The following FNDC3B variants were observed in gnomAD, a reference collection of about 807,000 sequenced individuals.
FNDC3B encodes fibronectin type III domain-containing protein 3B.
Under a neutral mutation model 151.5 loss-of-function variants are expected in FNDC3B, and 12 were observed. The ratio of observed to expected loss-of-function variants is 0.08; its 90% CI spans 0.05 to 0.13. The LOEUF is 0.13. FNDC3B is among the 10% of genes least tolerant of loss of function. The pLI, the probability that FNDC3B is intolerant of heterozygous loss-of-function variation, is 1.00. For missense variants in FNDC3B, 1,214 were observed against 1,505.3 expected (o/e 0.81, Z 3.20); for synonymous variants, 528 against 549.0 (o/e 0.96, Z 0.54).
intron 11 of FNDC3B, among the ~76,000 whole-genome samples, chr3:172,326,106 G>A (rs374343176): frequency 2.0e-5 from 3 of 152,194 alleles, no homozygotes; most frequent in Admixed American, 6.5e-5. Flanking sequence ...GATTACAGGC[G>A]TGAGCCATCA....
chr3:172,346,459 G>T lies in FNDC3B; in HGVS notation c.2364+19G>T, dbSNP rs747569255. Reference sequence around the variant, plus strand: ...TTGGGAGGTAAGTCAGGCATATTCTGCATCAACTTCTGTTTCTTCTACTTT... The same window carrying T: ...TTGGGAGGTAAGTCAGGCATATTCTTCATCAACTTCTGTTTCTTCTACTTT... On this transcript the variant is annotated intron_variant, in intron 20 of 25. Transcript: ENST00000415807. 3.5e-6 allele frequency: 5 copies of T among 1,448,678 alleles called. No homozygotes were observed. The Admixed American group carries it at 7.1e-5, about 21-fold the overall frequency. The allele number at this position is 1,448,678 out of a possible 1,614,324, so 89.7% of individuals were successfully genotyped here.
At chr3:172,383,907 G>A (rs952237349) in intron 25 of FNDC3B, among the ~76,000 whole-genome samples, 1 of 152,080 alleles carries the variant, frequency 6.6e-6, no homozygotes, top group African/African-American at 2.4e-5. Context: ...TAGGAAAGCT[G>A]AGGTGCATTC....
chr3:172,367,123 C>T (rs1199183763), intron 23 of FNDC3B, among the ~76,000 whole-genome samples: 1 of 152,154 alleles, frequency 6.6e-6, no homozygotes, highest in Non-Finnish European at 1.5e-5. Context: ...ATTTGTTTCC[C>T]ATTTATTCTG....
chr3:172,087,370 T>C (rs1718597725), intron 1 of FNDC3B, among the ~76,000 whole-genome samples: 1 of 152,192 alleles, frequency 6.6e-6, no homozygotes, highest in Non-Finnish European at 1.5e-5. Context: ...ACTTCTCACA[T>C]AGAGGCTGAT....
At chr3:172,164,625 G>A (rs1468659094) in intron 3 of FNDC3B, among the ~76,000 whole-genome samples, 1 of 152,156 alleles carries the variant, frequency 6.6e-6, no homozygotes, top group East Asian at 1.9e-4. Flanking sequence ...GAAGAAATGG[G>A]GTGAAAGCAG....
chr3:172,142,143 T>C (rs1299582394), intron 3 of FNDC3B, among the ~76,000 whole-genome samples: 1 of 152,228 alleles, frequency 6.6e-6, no homozygotes, highest in African/African-American at 2.4e-5. Context: ...GAACAATTTC[T>C]GAGTCATAGT....
intron 3 of FNDC3B, among the ~76,000 whole-genome samples, chr3:172,166,847 G>T (rs1041379899): frequency 5.4e-5 from 8 of 147,522 alleles, no homozygotes; most frequent in African/African-American, 1.7e-4. Context: ...GGGGGAGGGG[G>T]GTCCATTTAT....
intron 7 of FNDC3B, among the ~76,000 whole-genome samples, chr3:172,292,892 A>G (rs938661003): frequency 6.6e-6 from 1 of 152,252 alleles, no homozygotes; most frequent in Non-Finnish European, 1.5e-5. Context: ...CAAATAACCA[A>G]GTAATGCTCT....
rs111996525 is a variant in FNDC3B, at chr3:172,160,039, G to A, written c.187+26493G>A. Reference sequence around the variant, plus strand: ...AAGGTGGGGGAGGCCGGCAGGGGCTGACCAGAATCAGCCTCACCAGTGGAT... The same window carrying A: ...AAGGTGGGGGAGGCCGGCAGGGGCTAACCAGAATCAGCCTCACCAGTGGAT... On this transcript the variant is annotated intron_variant, in intron 3 of 25. Coordinates refer to ENST00000415807, the MANE Select transcript of FNDC3B (RefSeq NM_022763.4). Among the ~76,000 whole-genome samples, 311 of 152,322 alleles carry A rather than the reference G, an allele frequency of 2.0e-3. 2 individuals carry two copies. The highest frequency in any genetic ancestry group is 7.3e-3 in the African/African-American group (305 of 41,570).
chr3:172,240,901 T>C (rs2108761429), intron 4 of FNDC3B, among the ~76,000 whole-genome samples: 1 of 152,294 alleles, frequency 6.6e-6, no homozygotes, highest in South Asian at 2.1e-4. Context: ...AAGACAAAGA[T>C]TCTCTCCGTT....
chr3:172,127,203 C>T (rs1720848260), intron 2 of FNDC3B: 1 of 408,690 alleles, frequency 2.4e-6, no homozygotes, highest in African/African-American at 2.1e-5. Context: ...GGGTAGAAGG[C>T]TCTGCTTCAG....
At chr3:172,350,739 G>C (rs1733814442) in intron 21 of FNDC3B, among the ~76,000 whole-genome samples, 1 of 152,128 alleles carries the variant, frequency 6.6e-6, no homozygotes, top group African/African-American at 2.4e-5. Context: ...TGTGGTTCCA[G>C]CTACTCAGGA....
chr3:172,185,445 C>G (rs1724121157), intron 3 of FNDC3B, among the ~76,000 whole-genome samples: 1 of 112,586 alleles, frequency 8.9e-6, no homozygotes, highest in Non-Finnish European at 1.9e-5. Context: ...TAAACCAGAG[C>G]ATTTCAGCTT....
chr3:172,094,021 C>A (rs992693015), intron 1 of FNDC3B, among the ~76,000 whole-genome samples: 6 of 151,330 alleles, frequency 4.0e-5, no homozygotes, highest in Non-Finnish European at 8.8e-5. Context: ...TCTAGAACAT[C>A]GGCATTGTGT....
chr3:172,378,441 G>A lies in FNDC3B; in HGVS notation c.3175+5G>A, dbSNP rs199592871. 2 of 1,599,062 alleles carry A rather than the reference G, an allele frequency of 1.3e-6. No individual in the cohort carries two copies. Among genetic ancestry groups the A allele is most frequent in the South Asian group, 1.1e-5 (1 of 88,588 alleles). Reference sequence around the variant, plus strand: ...GTGTCCCCCCCACCATCAAAGGTGTGTAGACTATGTATTCTTTCTCGCTCT... The same window carrying A: ...GTGTCCCCCCCACCATCAAAGGTGTATAGACTATGTATTCTTTCTCGCTCT... On this transcript the variant is annotated splice_donor_5th_base_variant and intron_variant, in intron 24 of 25. Coordinates refer to ENST00000415807, the MANE Select transcript of FNDC3B (RefSeq NM_022763.4).
At chr3:172,311,691 A>C (rs1307465008) in intron 11 of FNDC3B, among the ~76,000 whole-genome samples, 2 of 141,490 alleles carry the variant, frequency 1.4e-5, no homozygotes, top group African/African-American at 2.7e-5. Flanking sequence ...ACGATGAAAC[A>C]CCGTCTCTAC....
chr3:172,175,938 C>A (rs1046317244), intron 3 of FNDC3B, among the ~76,000 whole-genome samples: 3 of 152,118 alleles, frequency 2.0e-5, no homozygotes, highest in African/African-American at 7.2e-5. Flanking sequence ...GTTTTATAAG[C>A]CTATTTTTGT....
intron 1 of FNDC3B, among the ~76,000 whole-genome samples, chr3:172,094,665 A>G (rs986986990): frequency 1.3e-5 from 2 of 152,044 alleles, no homozygotes; most frequent in Non-Finnish European, 2.9e-5. Flanking sequence ...ACCCCGCTTA[A>G]TTCTGTTGCT....
rs143337500 is a variant in FNDC3B at position 172,134,230 on chromosome 3, C to T, written c.187+684C>T. 2.1e-3 allele frequency: 919 copies of T among 438,756 alleles called. 1 individual carries two copies. The highest frequency in any genetic ancestry group is 3.6e-3 in the Non-Finnish European group (787 of 216,078). 27.2% of individuals were successfully genotyped at this position (438,756 alleles called of 1,614,324 possible). A position where few individuals can be genotyped will look rare whatever the true frequency, so the allele number is the denominator to read the frequency against. On this transcript the variant is annotated intron_variant, in intron 3 of 25. Transcript: ENST00000415807. ...TTATTTTATTACAGCTCCTAGCACACTTCTAGTGTGTATACTAATGCCTCT... is the reference window on the plus strand; with the variant it reads ...TTATTTTATTACAGCTCCTAGCACATTTCTAGTGTGTATACTAATGCCTCT...
Sources: allele counts gnomAD v4.1 joint callset (sites outside exome capture counted in the v4.1 genomes callset), GRCh38; gene constraint gnomAD v4.1.1; transcripts MANE v1.5; gene names NCBI Gene and HGNC (gene_info 2026-07-23, HGNC 2026-07-21).